Variants in AK4 observed in about 807,000 individuals in gnomAD.
AK4 encodes adenylate kinase 4, also known as adenylate kinase 4, mitochondrial.
In AK4, 13 loss-of-function variants were observed where a neutral mutation model predicts 24.6. The ratio of observed to expected loss-of-function variants is 0.53; its 90% CI spans 0.34 to 0.84. The LOEUF is 0.84. AK4 is among the 40% of genes least tolerant of loss of function. The pLI, the probability that AK4 is intolerant of heterozygous loss-of-function variation, is 0.01. For missense variants in AK4, 192 were observed against 288.2 expected (o/e 0.67, Z 2.42); for synonymous variants, 88 against 107.0 (o/e 0.82, Z 1.10).
chr1:65,183,959 A>G (rs547765256), intron 1 of AK4, among the ~76,000 whole-genome samples: 3 of 152,300 alleles, frequency 2.0e-5, no homozygotes, highest in Admixed American at 6.5e-5. Context: ...TCCTGGAAGC[A>G]TGAATTTTGG....
At chr1:65,163,941 C>G (rs1418878636) in intron 1 of AK4, among the ~76,000 whole-genome samples, 1 of 151,978 alleles carries the variant, frequency 6.6e-6, no homozygotes, top group Non-Finnish European at 1.5e-5. Context: ...GATTATGGGT[C>G]TGGGTGGTGT....
chr1:65,191,738 G>T (rs1405323710), intron 2 of AK4, among the ~76,000 whole-genome samples: 1 of 152,002 alleles, frequency 6.6e-6, no homozygotes, highest in East Asian at 1.9e-4. Flanking sequence ...TTAAGTAGGG[G>T]TATAATATGA....
intron 1 of AK4, among the ~76,000 whole-genome samples, chr1:65,158,831 C>T (rs1650060943): frequency 1.3e-5 from 2 of 152,038 alleles, no homozygotes; most frequent in Admixed American, 1.3e-4. Flanking sequence ...TTTAAAAAAG[C>T]ATGAGTAGAT....
intron 1 of AK4, among the ~76,000 whole-genome samples, chr1:65,159,969 CAAAAA>C (rs951802334): frequency 1.6e-5 from 1 of 63,362 alleles, no homozygotes; most frequent in African/African-American, 5.3e-5. Context: ...ACTATGTCTC[CAAAAA>C]AAAAAAAAAA....
chr1:65,193,681 C>T (rs540097138), intron 2 of AK4, among the ~76,000 whole-genome samples: 3 of 152,348 alleles, frequency 2.0e-5, no homozygotes, highest in African/African-American at 4.8e-5. Flanking sequence ...TCAAGCCCCA[C>T]GGTCGGCCCT....
intron 1 of AK4, among the ~76,000 whole-genome samples, chr1:65,177,801 C>A (rs1195503815): frequency 6.6e-6 from 1 of 152,110 alleles, no homozygotes; most frequent in Non-Finnish European, 1.5e-5. Context: ...ACTGAAGCAA[C>A]GGTTGTGAGA....
At chr1:65,163,264 C>T (rs530715073) in intron 1 of AK4, among the ~76,000 whole-genome samples, 164 of 152,322 alleles carry the variant, frequency 1.1e-3, no homozygotes, top group Middle Eastern at 3.4e-3. Context: ...TCAACTTTTA[C>T]CTTCTGATAA....
chr1:65,147,554 T>C (rs1386980404), upstream of AK4: 2 of 149,988 alleles, frequency 1.3e-5, no homozygotes, highest in African/African-American at 4.9e-5. Context: ...CGGGCTTACG[T>C]AAGGCGCGAG....
At position 65,148,613 on chromosome 1, in the gene AK4, G is replaced by C. The variant is rs943679806; in HGVS notation, c.145+61G>C. The C allele has an allele frequency of 5.3e-6, 8 of 1,504,990 alleles. No homozygotes were observed. The African/African-American group carries it at 7.0e-5, about 13-fold the overall frequency. The allele number at this position is 1,504,990 out of a possible 1,614,324, so 93.2% of individuals were successfully genotyped here. On this transcript the variant is annotated intron_variant, in intron 1 of 4. Transcript: ENST00000327299. ...CGCGTTGGGCTGGGGTGAGGCCCTG[G>C]AGGGACTGGGGCTCCCGGATCACGG...
intron 3 of AK4, among the ~76,000 whole-genome samples, chr1:65,222,198 T>G (rs1193324732): frequency 6.6e-6 from 1 of 152,106 alleles, no homozygotes; most frequent in Non-Finnish European, 1.5e-5. Flanking sequence ...CTAACCTTAT[T>G]ATACAAATGA....
At chr1:65,152,506 G>A (rs1649831926) in intron 1 of AK4, among the ~76,000 whole-genome samples, 1 of 141,586 alleles carries the variant, frequency 7.1e-6, no homozygotes, top group African/African-American at 2.7e-5. Flanking sequence ...AGGTTCAAGC[G>A]ATTCTTCTGC....
intron 2 of AK4, among the ~76,000 whole-genome samples, chr1:65,201,946 AG>A (rs1651674985): frequency 6.6e-6 from 1 of 152,250 alleles, no homozygotes; most frequent in African/African-American, 2.4e-5. Context: ...ACAAGTGGAC[AG>A]GGGCAAAAGT....
chr1:65,224,143 T>C (rs1236239878), intron 3 of AK4, among the ~76,000 whole-genome samples: 1 of 152,178 alleles, frequency 6.6e-6, no homozygotes, highest in East Asian at 1.9e-4. Flanking sequence ...TTTTGAGTAA[T>C]ATAATTTAGG....
chr1:65,230,564 T>G lies in AK4; in HGVS notation c.*4387T>G, dbSNP rs141720330. 1.2e-4 allele frequency: 18 copies of G among 152,328 alleles called. No homozygotes were observed. The highest frequency in any genetic ancestry group is 4.1e-4 in the African/African-American group (17 of 41,574). 9.4% of individuals were successfully genotyped at this position (152,328 alleles called of 1,614,324 possible). ...TAATCAAATCCTCATCAATTACATA[T>G]GTAATAATCTAAACTTGCCTCCTTG... is the stretch of plus-strand genomic sequence containing the variant. On this transcript the variant is annotated 3_prime_UTR_variant, in exon 5 of 5. Transcript: ENST00000327299.
chr1:65,156,457 C>A (rs1392774222), intron 1 of AK4, among the ~76,000 whole-genome samples: 1 of 151,984 alleles, frequency 6.6e-6, no homozygotes. Context: ...TTACTTTATT[C>A]TTTTAAAAAG....
intron 1 of AK4, among the ~76,000 whole-genome samples, chr1:65,162,241 T>C (rs77955849): frequency 0.015 from 2,343 of 152,086 alleles, 64 homozygotes; most frequent in African/African-American, 0.054. Flanking sequence ...GTGAGAAGTG[T>C]CTTAAACAAG....
rs770709554 is a variant in AK4 at position 65,218,769 on chromosome 1, T to C, written c.281T>C (p.Leu94Ser). ...TTGCATTTAGGTTTTCCTAGGACATTAGGACAAGCCGAAGCCCTGGACAAA... is the reference window on the plus strand; with the variant it reads ...TTGCATTTAGGTTTTCCTAGGACATCAGGACAAGCCGAAGCCCTGGACAAA... ...HWLLDGFPRTLGQAEALDKIC... is the reference protein window; with the variant it reads ...HWLLDGFPRTSGQAEALDKIC... Residue 94 changes from leucine to serine, a missense_variant, in exon 3 of 5, where the codon TTA becomes TCA. Physicochemically the swap from Leu to Ser is moderately radical, Grantham distance 145 (BLOSUM62 -2). Coordinates refer to ENST00000327299, the MANE Select transcript of AK4 (RefSeq NM_013410.4). The C allele has an allele frequency of 6.3e-7, 1 of 1,588,366 alleles. No homozygotes were observed. Among genetic ancestry groups the C allele is most frequent in the South Asian group, 1.1e-5 (1 of 87,192 alleles).
At chr1:65,189,963 G>T (rs956464306) in intron 1 of AK4, among the ~76,000 whole-genome samples, 1 of 152,168 alleles carries the variant, frequency 6.6e-6, no homozygotes, top group South Asian at 2.1e-4. Flanking sequence ...GTATTATGTG[G>T]CATTCTTTTT....
Position 65,192,373 on chromosome 1 carries a change from G to A in AK4, c.265+1544G>A, listed in dbSNP as rs1235542329. Among the ~76,000 whole-genome samples the A allele has an allele frequency of 2.6e-5, 4 of 152,152 alleles. No homozygotes were observed. The East Asian group carries it at 7.7e-4, about 29-fold the overall frequency. ...TATCTAGAACCCACTTCTGTGATAA[G>A]AGCATTAACTCATTCATGAGGGCAG... On this transcript the variant is annotated intron_variant, in intron 2 of 4. Transcript: ENST00000327299.
Sources: allele counts gnomAD v4.1 joint callset (sites outside exome capture counted in the v4.1 genomes callset), GRCh38; gene constraint gnomAD v4.1.1; transcripts MANE v1.5; gene names NCBI Gene and HGNC (gene_info 2026-07-23, HGNC 2026-07-21).